Variants in PTPRT observed in about 807,000 individuals in gnomAD.
PTPRT encodes receptor-type tyrosine-protein phosphatase T.
In PTPRT, 56 loss-of-function variants were observed where a neutral mutation model predicts 176.8. That is an observed-to-expected ratio of 0.32 (90% CI 0.26 to 0.40). The LOEUF is 0.40. Among genes scored for constraint, PTPRT ranks in the 10% least tolerant of loss-of-function variants. The pLI is 1.00. For synonymous variants in PTPRT, 783 were observed against 739.0 expected (o/e 1.06, Z -0.96); for missense variants, 1,540 against 1,908.2 (o/e 0.81, Z 3.60).
intron 7 of PTPRT, among the ~76,000 whole-genome samples, chr20:42,665,821 T>C (rs1429293093): frequency 6.6e-6 from 1 of 151,850 alleles, no homozygotes; most frequent in Non-Finnish European, 1.5e-5. Flanking sequence ...AAAATCATCA[T>C]TCTCAGCAAA....
intron 1 of PTPRT, among the ~76,000 whole-genome samples, chr20:43,072,098 T>C (rs2011189260): frequency 6.6e-6 from 1 of 152,222 alleles, no homozygotes; most frequent in South Asian, 2.1e-4. Context: ...CTCATCAATG[T>C]CTACCGAGTC....
chr20:43,081,544 T>C (rs888724622), intron 1 of PTPRT, among the ~76,000 whole-genome samples: 9 of 152,210 alleles, frequency 5.9e-5, no homozygotes, highest in African/African-American at 2.2e-4. Context: ...CAAATCCATC[T>C]TCCTAATTTT....
intron 9 of PTPRT, among the ~76,000 whole-genome samples, chr20:42,370,371 T>A (rs2058571341): frequency 6.6e-6 from 1 of 152,086 alleles, no homozygotes; most frequent in South Asian, 2.1e-4. Context: ...ACACAAACTC[T>A]CAGGTATACC....
At chr20:42,059,578 T>C in the PTPRT span, among the ~76,000 whole-genome samples, 1 of 152,160 alleles carries the variant, frequency 6.6e-6, no homozygotes, top group Non-Finnish European at 1.5e-5. Flanking sequence ...TTGGATGTAA[T>C]AGTTTCAGAA....
intron 9 of PTPRT, among the ~76,000 whole-genome samples, chr20:42,375,884 G>A (rs1381922365): frequency 6.6e-6 from 1 of 152,160 alleles, no homozygotes; most frequent in Non-Finnish European, 1.5e-5. Flanking sequence ...AGAAGGGGGT[G>A]CCTGCTCAGA....
chr20:42,035,975 A>G, the PTPRT span, among the ~76,000 whole-genome samples: 1 of 152,182 alleles, frequency 6.6e-6, no homozygotes, highest in Admixed American at 6.5e-5. Flanking sequence ...TTTCTTTGGG[A>G]GAAGATAACA....
At chr20:42,698,921 C>A (rs759883776) in intron 6 of PTPRT, among the ~76,000 whole-genome samples, 4 of 152,164 alleles carry the variant, frequency 2.6e-5, no homozygotes, top group Non-Finnish European at 4.4e-5. Flanking sequence ...CTCTCCCTGA[C>A]TTGGGATACA....
chr20:42,116,147 G>C lies in PTPRT; in HGVS notation c.2983-832C>G, dbSNP rs754989172. The C allele has an allele frequency of 2.9e-5, 21 of 713,888 alleles. No homozygotes were observed. The South Asian group carries it at 3.0e-4, about 10-fold the overall frequency. The allele number at this position is 713,888 out of a possible 1,614,324, so 44.2% of individuals were successfully genotyped here. A position where few individuals can be genotyped will look rare whatever the true frequency, so the allele number is the denominator to read the frequency against. On this transcript the variant is annotated intron_variant, in intron 21 of 30. Transcript: ENST00000373187. The stretch of plus-strand genomic sequence containing the variant: ...AAGAAACAAAAAACAAACAAAAAAA[G>C]GTTTTGTGGTCAAATGAGTTTGGGA...
At chr20:42,098,697 G>A (rs1985545951) in intron 26 of PTPRT, 145 bp from the exon 27 acceptor site, 13 of 1,062,782 alleles carry the variant, frequency 1.2e-5, no homozygotes, top group South Asian at 5.1e-5. Flanking sequence ...ATCTCTCCAC[G>A]CCCTGGCGGC....
intron 2 of PTPRT, among the ~76,000 whole-genome samples, chr20:42,876,526 G>T (rs1424273258): frequency 6.6e-6 from 1 of 152,076 alleles, no homozygotes; most frequent in African/African-American, 2.4e-5. Context: ...CTTCAGAGCA[G>T]AAGAACCCAG....
chr20:42,953,949 G>GA (rs1388311991), intron 1 of PTPRT, among the ~76,000 whole-genome samples: 1 of 152,082 alleles, frequency 6.6e-6, no homozygotes, highest in Non-Finnish European at 1.5e-5. Context: ...CCCATGAAGG[G>GA]AAAAATCACT....
At chr20:42,548,633 T>C (rs574173173) in intron 7 of PTPRT, among the ~76,000 whole-genome samples, 1 of 152,260 alleles carries the variant, frequency 6.6e-6, no homozygotes, top group South Asian at 2.1e-4. Context: ...TGAGGAATTT[T>C]ATTATCTAAA....
chr20:42,183,517 C>T (rs1288199886), intron 16 of PTPRT, among the ~76,000 whole-genome samples: 1 of 152,228 alleles, frequency 6.6e-6, no homozygotes, highest in Non-Finnish European at 1.5e-5. Context: ...CACAAAACTA[C>T]TTGCTTGTAA....
At chr20:43,099,668 G>C (rs1389346475) in intron 1 of PTPRT, among the ~76,000 whole-genome samples, 1 of 152,084 alleles carries the variant, frequency 6.6e-6, no homozygotes, top group Non-Finnish European at 1.5e-5. Context: ...CCGGGTCTCT[G>C]CTTCTGTCTA....
intron 1 of PTPRT, among the ~76,000 whole-genome samples, chr20:43,022,720 T>G (rs1477225341): frequency 2.0e-5 from 3 of 151,776 alleles, no homozygotes; most frequent in Non-Finnish European, 4.4e-5. Context: ...GAAGCAAAAA[T>G]AGAATATGTG....
chr20:42,081,037 A>G, intron 30 of PTPRT, 105 bp from the exon 31 acceptor site: 1 of 977,174 alleles, frequency 1.0e-6, no homozygotes, highest in Non-Finnish European at 1.5e-6. Context: ...ATTTTGGAGA[A>G]AACTTTTTCT....
At position 42,599,593 on chromosome 20, in the gene PTPRT, A is replaced by G. The variant is rs927668377; in HGVS notation, c.1153+78273T>C. ...GCTATCTGGGAAGATGCTCATTTGCATTGGTTCCCTCTGCAGTGGGATGAT... is the reference window on the plus strand; with the variant it reads ...GCTATCTGGGAAGATGCTCATTTGCGTTGGTTCCCTCTGCAGTGGGATGAT... On this transcript the variant is annotated intron_variant, in intron 7 of 30. Transcript: ENST00000373187. 8.6e-5 allele frequency among the ~76,000 whole-genome samples: 13 copies of G among 151,838 alleles called. 1 individual carries two copies. The highest frequency in any genetic ancestry group is 6.8e-3 in the Middle Eastern group (2 of 294).
intron 18 of PTPRT, among the ~76,000 whole-genome samples, chr20:42,132,064 G>A (rs1022560798): frequency 8.5e-5 from 13 of 152,154 alleles, no homozygotes; most frequent in African/African-American, 2.9e-4. Context: ...GAAGACTCAA[G>A]GAATCATGCT....
chr20:42,390,578 C>T (rs1217451098), intron 9 of PTPRT, among the ~76,000 whole-genome samples: 1 of 152,172 alleles, frequency 6.6e-6, no homozygotes, highest in African/African-American at 2.4e-5. Context: ...TTTCCCTTTT[C>T]TCTTGGCTCA....
Sources: gnomAD v4.1 joint callset for allele counts (sites outside exome capture counted in the v4.1 genomes callset) on GRCh38, gnomAD v4.1.1 for gene constraint, MANE v1.5 for transcripts, NCBI Gene and HGNC (gene_info 2026-07-23, HGNC 2026-07-21) for gene names.